The following CCND1 variants were observed in gnomAD, a reference collection of about 807,000 sequenced individuals.
The protein encoded by CCND1 is cyclin D1.
Under a neutral mutation model 26.1 loss-of-function variants are expected in CCND1, and 9 were observed. That is an observed-to-expected ratio of 0.35 (90% CI 0.21 to 0.60). The LOEUF is 0.60. CCND1 is among the 20% of genes least tolerant of loss of function. The pLI, the probability that CCND1 is intolerant of heterozygous loss-of-function variation, is 0.79. For synonymous variants in CCND1, 194 were observed against 166.1 expected, an observed-to-expected ratio of 1.17 and a Z score of -1.29; for missense variants, 335 against 392.9, an observed-to-expected ratio of 0.85 and a Z score of 1.25.
chr11:69,643,569 G>A (rs1855739690), intron 2 of CCND1: 1 of 451,658 alleles, frequency 2.2e-6, no homozygotes, highest in South Asian at 4.9e-5. Flanking sequence ...CAGGTGGTGG[G>A]AGGTCTTTTT....
In CCND1 at chr11:69,653,431, T is replaced by C; in HGVS notation, c.*2149T>C. On this transcript the variant is annotated 3_prime_UTR_variant, in exon 5 of 5. Transcript: ENST00000227507. ...TGCCTTTTTTGTAGTTTTTTTTTTTTTTATGTGATCAATTTTGACTTAATG... is the reference window on the plus strand; with the variant it reads ...TGCCTTTTTTGTAGTTTTTTTTTTTCTTATGTGATCAATTTTGACTTAATG... The C allele has an allele frequency of 1.6e-6, 1 of 632,438 alleles. No individual in the cohort carries two copies. The highest frequency in any genetic ancestry group is 2.8e-6 in the Non-Finnish European group (1 of 359,488). The allele number at this position is 632,438 out of a possible 1,614,324, so 39.2% of individuals were successfully genotyped here. A position where few individuals can be genotyped will look rare whatever the true frequency, so the allele number is the denominator to read the frequency against.
chr11:69,650,968 C>G lies in CCND1; in HGVS notation c.724-150C>G, dbSNP rs150651252. On this transcript the variant is annotated intron_variant, in intron 4 of 4. Coordinates refer to ENST00000227507, the MANE Select transcript of CCND1 (RefSeq NM_053056.3). ...GCAGCTCCCACATCTCGCTCAGGTTCAGAGGAGGCAGCATGGGCCGAGGGA... is the reference window on the plus strand; with the variant it reads ...GCAGCTCCCACATCTCGCTCAGGTTGAGAGGAGGCAGCATGGGCCGAGGGA... 56 of 639,320 alleles carry G rather than the reference C, an allele frequency of 8.8e-5. No homozygotes were observed. The African/African-American group carries it at 9.9e-4, about 11-fold the overall frequency. The allele number at this position is 639,320 out of a possible 1,614,324, so 39.6% of individuals were successfully genotyped here.
rs1438806825 is a variant in CCND1, at chr11:69,654,147, C to T, written c.*2865C>T. On this transcript the variant is annotated 3_prime_UTR_variant, in exon 5 of 5. Coordinates refer to ENST00000227507, the MANE Select transcript of CCND1 (RefSeq NM_053056.3). This position sits in a 1 kb window ranked among gnomAD's most constrained non-coding sequence, Gnocchi z 6.3. ...CCCGCCCCACCCCTCCAGAACACGGCTCACGCTTACCTCAACCATCCTGGC... is the reference window on the plus strand; with the variant it reads ...CCCGCCCCACCCCTCCAGAACACGGTTCACGCTTACCTCAACCATCCTGGC... 1.4e-6 allele frequency: 1 copy of T among 691,298 alleles called. No homozygotes were observed. Among genetic ancestry groups the T allele is most frequent in the Non-Finnish European group, 2.6e-6 (1 of 379,560 alleles). 42.8% of individuals were successfully genotyped at this position (691,298 alleles called of 1,614,324 possible).
At position 69,644,438 on chromosome 11, in the gene CCND1, T is replaced by G. The variant is rs541214589; in HGVS notation, c.574+447T>G. Among the ~76,000 whole-genome samples the G allele has an allele frequency of 4.4e-3, 676 of 152,222 alleles. 15 individuals are homozygous for G. Among genetic ancestry groups the G allele is most frequent in the Non-Finnish European group, 4.2e-3 (284 of 67,982 alleles). On this transcript the variant is annotated intron_variant, in intron 3 of 4. Coordinates refer to ENST00000227507, the MANE Select transcript of CCND1 (RefSeq NM_053056.3). ...GGCTGGGCCACCTGCCAGAGGCGCC[T>G]CCAGGGGCGGGGAGAGCTGTCGGCC...
In CCND1 at chr11:69,654,151, C is replaced by T. The variant is rs3802782; in HGVS notation, c.*2869C>T. 1.5e-4 allele frequency: 97 copies of T among 665,850 alleles called. No individual in the cohort carries two copies. The East Asian group carries it at 2.3e-3, about 16-fold the overall frequency. 41.2% of individuals were successfully genotyped at this position (665,850 alleles called of 1,614,324 possible). ...CCCCACCCCTCCAGAACACGGCTCA[C>T]GCTTACCTCAACCATCCTGGCTGCG... is the stretch of plus-strand genomic sequence containing the variant. On this transcript the variant is annotated 3_prime_UTR_variant, in exon 5 of 5. Transcript: ENST00000227507. This position sits in a 1 kb window ranked among gnomAD's most constrained non-coding sequence, Gnocchi z 6.3.
intron 4 of CCND1, among the ~76,000 whole-genome samples, chr11:69,650,846 G>A (rs1275856691): frequency 6.6e-6 from 1 of 152,034 alleles, no homozygotes; most frequent in Admixed American, 6.5e-5. Flanking sequence ...CGGGCAGGGG[G>A]TGTGCAGGGT....
intron 4 of CCND1, among the ~76,000 whole-genome samples, chr11:69,650,249 C>T (rs941020602): frequency 2.0e-5 from 3 of 152,206 alleles, no homozygotes; most frequent in African/African-American, 7.2e-5. Flanking sequence ...ACACACAGCC[C>T]CAACACATGG....
chr11:69,649,391 T>G (rs1429471224), intron 4 of CCND1, among the ~76,000 whole-genome samples: 1 of 152,114 alleles, frequency 6.6e-6, no homozygotes, highest in Non-Finnish European at 1.5e-5. Flanking sequence ...TTAACTAGAT[T>G]GGAGGCACAC....
Position 69,653,945 on chromosome 11 carries a change from T to C in CCND1, c.*2663T>C. ...TATTGTTTTGTTAATTACACCATAA[T>C]GCTAATTTAAAGAGACTCCAAATCT... On this transcript the variant is annotated 3_prime_UTR_variant, in exon 5 of 5. Coordinates refer to ENST00000227507, the MANE Select transcript of CCND1 (RefSeq NM_053056.3). The C allele has an allele frequency of 1.8e-6, 1 of 564,408 alleles. No individual in the cohort carries two copies. The highest frequency in any genetic ancestry group is 3.2e-6 in the Non-Finnish European group (1 of 317,434). The allele number at this position is 564,408 out of a possible 1,614,324, so 35.0% of individuals were successfully genotyped here.
chr11:69,646,176 G>C (rs190075685), intron 3 of CCND1, among the ~76,000 whole-genome samples: 1 of 152,192 alleles, frequency 6.6e-6, no homozygotes, highest in Non-Finnish European at 1.5e-5. Flanking sequence ...GTCGCTCCCT[G>C]CAGAAGCGGT....
chr11:69,644,338 T>C (rs1344448865), intron 3 of CCND1: 1 of 313,702 alleles, frequency 3.2e-6, no homozygotes, highest in African/African-American at 2.1e-5. Context: ...GCCGCCTCCT[T>C]TCTCCACCCA....
Position 69,651,210 on chromosome 11 carries a change from G to A in CCND1, c.816G>A (p.Glu272=). Residue 272 remains glutamate (E), a synonymous_variant, in exon 5 of 5, where the codon GAG becomes GAA. Coordinates refer to ENST00000227507, the MANE Select transcript of CCND1 (RefSeq NM_053056.3). ...AQQNMDPKAA[E]EEEEEEEEVD... ...AGAACATGGACCCCAAGGCCGCCGA[G>A]GAGGAGGAAGAGGAGGAGGAGGAGG... The A allele has an allele frequency of 6.2e-7, 1 of 1,605,172 alleles. No homozygotes were observed. Among genetic ancestry groups the A allele is most frequent in the Non-Finnish European group, 8.5e-7 (1 of 1,174,938 alleles).
rs143479406 is a variant in CCND1 at position 69,643,953 on chromosome 11, G to T, written c.536G>T (p.Arg179Leu). 2 of 1,613,448 alleles carry T rather than the reference G, an allele frequency of 1.2e-6. No individual in the cohort carries two copies. The highest frequency in any genetic ancestry group is 1.7e-6 in the Non-Finnish European group (2 of 1,180,004). ...GCGGAGGAGAACAAACAGATCATCC[G>T]CAAACACGCGCAGACCTTCGTTGCC... ...PEAEENKQII[R>L]KHAQTFVALC... The change falls in exon 3 of 5, where the codon CGC (arginine) becomes CTC (leucine). Residue 179 changes from arginine (R) to leucine (L), a missense_variant. Transcript: ENST00000227507.
chr11:69,644,101 A>AC (rs1565071432), intron 3 of CCND1, 110 bp downstream of exon 3: 1 of 1,062,798 alleles, frequency 9.4e-7, no homozygotes. Context: ...ATGTCCCCAG[A>AC]CCCCCTCCTG....
rs755236431 is a variant in CCND1, at chr11:69,648,155, G to T, written c.723+13G>T. ...CAAGTGTGACCCGGTAAGTGAGGGT[G>T]ATGTCCCAGGCAGCCTTGCCGGGGC... On this transcript the variant is annotated intron_variant, in intron 4 of 4. Transcript: ENST00000227507. The T allele has an allele frequency of 6.2e-7, 1 of 1,613,294 alleles. No homozygotes were observed. The highest frequency in any genetic ancestry group is 1.3e-5 in the African/African-American group (1 of 74,928).
At chr11:69,643,760 G>C (rs1338664011) in intron 2 of CCND1, 72 bp from the exon 3 acceptor site, 4 of 1,486,330 alleles carry the variant, frequency 2.7e-6, no homozygotes, top group African/African-American at 2.8e-5. Context: ...CCCGGCCCCC[G>C]TGCTGCCGGC....
At chr11:69,643,629 A>T in intron 2 of CCND1, 1 of 521,210 alleles carries the variant, frequency 1.9e-6, no homozygotes, top group Non-Finnish European at 3.3e-6. Flanking sequence ...TTCTGTTTTG[A>T]TCTGGGATTG....
At position 69,641,408 on chromosome 11, in the gene CCND1, T is replaced by G; in HGVS notation, c.95T>G (p.Leu32Arg). Reference sequence around the variant, plus strand: ...AACGACCGGGTGCTGCGGGCCATGCTGAAGGCGGAGGAGACCTGCGCGCCC... The same window carrying G: ...AACGACCGGGTGCTGCGGGCCATGCGGAAGGCGGAGGAGACCTGCGCGCCC... ...LLNDRVLRAMLKAEETCAPSV... is the reference protein window; with the variant it reads ...LLNDRVLRAMRKAEETCAPSV... Residue 32 changes from leucine (L) to arginine (R), a missense_variant, in exon 1 of 5, where the codon CTG becomes CGG. Physicochemically the swap from Leu to Arg is moderately radical, Grantham distance 102. Coordinates refer to ENST00000227507, the MANE Select transcript of CCND1 (RefSeq NM_053056.3). 6.2e-7 allele frequency: 1 copy of G among 1,613,494 alleles called. No homozygotes were observed. The highest frequency in any genetic ancestry group is 8.5e-7 in the Non-Finnish European group (1 of 1,180,014).
In CCND1 at chr11:69,641,544, C is replaced by A. The variant is rs1046158576; in HGVS notation, c.198+33C>A. The A allele has an allele frequency of 1.1e-5, 18 of 1,602,386 alleles. No homozygotes were observed. The East Asian group carries it at 3.8e-4, about 34-fold the overall frequency. On this transcript the variant is annotated intron_variant, in intron 1 of 4. Transcript: ENST00000227507. Reference sequence around the variant, plus strand: ...GCTTCGGGCGGCTCTCTTAAGACTTCCCTGCAACTTGTTGCCCAGACCCAC... The same window carrying A: ...GCTTCGGGCGGCTCTCTTAAGACTTACCTGCAACTTGTTGCCCAGACCCAC...
Sources: gnomAD v4.1 joint callset for allele counts (sites outside exome capture counted in the v4.1 genomes callset) on GRCh38, gnomAD v4.1.1 for gene constraint, Gnocchi (gnomAD v3.1) non-coding constraint, MANE v1.5 for transcripts, NCBI Gene and HGNC (gene_info 2026-07-23, HGNC 2026-07-21) for gene names.